MYO18B: variants seen among roughly 807,000 people sequenced by gnomAD.
MYO18B encodes the protein unconventional myosin-XVIIIb.
In MYO18B, 204 loss-of-function variants were observed where a neutral mutation model predicts 273.0. That is an observed-to-expected ratio of 0.75 (90% confidence interval 0.67 to 0.84). The LOEUF is 0.84. Ranked by LOEUF, MYO18B falls within the 40% of genes least tolerant of loss-of-function variation. The probability of loss-of-function intolerance (pLI) is 0.00; values close to 1 mark genes in which losing one functional copy is unlikely to be tolerated. For synonymous variants in MYO18B, 1,330 were observed against 1,305.7 expected (o/e 1.02, Z -0.40); for missense variants, 3,212 against 3,287.6 (o/e 0.98, Z 0.56).
intron 11 of MYO18B, among the ~76,000 whole-genome samples, chr22:25,797,294 T>C (rs1301388263): frequency 6.6e-6 from 1 of 152,216 alleles, no homozygotes; most frequent in Non-Finnish European, 1.5e-5. Context: ...TCCCCTTTGC[T>C]CATGTGGTTC....
intron 34 of MYO18B, among the ~76,000 whole-genome samples, chr22:25,932,435 T>G (rs969875579): frequency 6.8e-6 from 1 of 147,856 alleles, no homozygotes; most frequent in African/African-American, 2.6e-5. Flanking sequence ...TGAGACACAG[T>G]TTTGCTCTTG....
intron 30 of MYO18B, 125 bp from the exon 31 acceptor site, chr22:25,903,505 TG>T: frequency 1.0e-6 from 1 of 958,230 alleles, no homozygotes; most frequent in Non-Finnish European, 1.6e-6. Context: ...GGGGTCCAGG[TG>T]GAAATGGCAG....
intron 32 of MYO18B, among the ~76,000 whole-genome samples, chr22:25,910,730 C>T (rs1014350485): frequency 6.6e-6 from 1 of 152,124 alleles, no homozygotes; most frequent in Non-Finnish European, 1.5e-5. Context: ...AAGGGGTTCC[C>T]CATCATTGAC....
intron 11 of MYO18B, among the ~76,000 whole-genome samples, chr22:25,796,567 G>T (rs1405332571): frequency 6.7e-6 from 1 of 149,184 alleles, no homozygotes; most frequent in African/African-American, 2.5e-5. Context: ...CTACACTCCA[G>T]TCTGGGCCGT....
At chr22:25,778,497 T>G (rs1287463496) in intron 8 of MYO18B, among the ~76,000 whole-genome samples, 1 of 152,112 alleles carries the variant, frequency 6.6e-6, no homozygotes, top group Non-Finnish European at 1.5e-5. Flanking sequence ...TTATTATTAT[T>G]GAGACGGGGT....
chr22:25,900,131 C>CA (rs1406399599), intron 29 of MYO18B: 1 of 152,264 alleles, frequency 6.6e-6, no homozygotes, highest in Non-Finnish European at 1.5e-5. Flanking sequence ...GGATACCCCC[C>CA]AAGCAAAGTT....
rs567596508 is a variant in MYO18B at position 25,846,952 on chromosome 22, A to G, written c.3553-478A>G. 1.5e-4 allele frequency among the ~76,000 whole-genome samples: 23 copies of G among 152,044 alleles called. No homozygotes were observed. In the East Asian group the frequency reaches 1.5e-3, roughly 10 times the overall value. On this transcript the variant is annotated intron_variant, in intron 19 of 43. Coordinates refer to ENST00000335473, the MANE Select transcript of MYO18B (RefSeq NM_032608.7). ...AAAAATTGGCTGGGCGTGGTGATGCATGTCTGTAGTCCCGCTACTTGGGAG... is the reference window on the plus strand; with the variant it reads ...AAAAATTGGCTGGGCGTGGTGATGCGTGTCTGTAGTCCCGCTACTTGGGAG...
chr22:25,836,126 G>A (rs1334384919), intron 17 of MYO18B, among the ~76,000 whole-genome samples: 2 of 152,120 alleles, frequency 1.3e-5, no homozygotes, highest in Non-Finnish European at 2.9e-5. Flanking sequence ...TGGTGGAAGG[G>A]GGAGCAAGAG....
In MYO18B at chr22:25,760,965, C is replaced by A; in HGVS notation, c.-109-19C>A. The A allele has an allele frequency of 9.7e-7, 1 of 1,030,800 alleles. No homozygotes were observed. The highest frequency in any genetic ancestry group is 1.5e-6 in the Non-Finnish European group (1 of 669,286). The allele number at this position is 1,030,800 out of a possible 1,614,324, so 63.9% of individuals were successfully genotyped here. On this transcript the variant is annotated intron_variant, in intron 1 of 43. Coordinates refer to ENST00000335473, the MANE Select transcript of MYO18B (RefSeq NM_032608.7). ...AACCTGTCTCTCTCTTCTCTCCCCA[C>A]TGTGTCCCTGTGTGTCAGTTCTGTG...
At chr22:25,991,338 A>G (rs553890186) in intron 39 of MYO18B, among the ~76,000 whole-genome samples, 1 of 152,318 alleles carries the variant, frequency 6.6e-6, no homozygotes, top group East Asian at 1.9e-4. Context: ...CAGGCCGGAT[A>G]ATTCTTTGTG....
chr22:25,894,253 T>C (rs1372726795), intron 27 of MYO18B, among the ~76,000 whole-genome samples: 1 of 151,200 alleles, frequency 6.6e-6, no homozygotes, highest in Non-Finnish European at 1.5e-5. Flanking sequence ...TGGGTGGATA[T>C]GGCTTCTTAT....
At chr22:25,930,452 C>A (rs1245916948) in intron 34 of MYO18B, among the ~76,000 whole-genome samples, 2 of 151,758 alleles carry the variant, frequency 1.3e-5, no homozygotes, top group Non-Finnish European at 2.9e-5. Context: ...CCTCTCCCCG[C>A]CATGCCACCA....
intron 34 of MYO18B, among the ~76,000 whole-genome samples, chr22:25,931,760 GCAGCCTCAACATTT>G (rs2092506321): frequency 7.1e-6 from 1 of 140,940 alleles, no homozygotes; most frequent in Non-Finnish European, 1.5e-5. Flanking sequence ...ATGGCTCACT[GCAGCCTCAACATTT>G]CAGGCTCAAG....
At chr22:26,003,167 A>C (rs1934118411) in intron 40 of MYO18B, 98 bp from the exon 41 acceptor site, 5 of 1,074,512 alleles carry the variant, frequency 4.7e-6, no homozygotes, top group Non-Finnish European at 7.0e-6. Flanking sequence ...AAAGGTTGGA[A>C]GTGGGATTCA....
At chr22:25,959,005 A>C (rs558697532) in intron 39 of MYO18B, 1 of 152,340 alleles carries the variant, frequency 6.6e-6, no homozygotes, top group East Asian at 1.9e-4. Flanking sequence ...AACAGCACAC[A>C]CCTTTGCCCC....
chr22:25,803,241 G>A (rs2088304563), intron 12 of MYO18B, among the ~76,000 whole-genome samples: 1 of 152,170 alleles, frequency 6.6e-6, no homozygotes, highest in African/African-American at 2.4e-5. Context: ...GGGATTACAG[G>A]CGTGAGCCAC....
intron 2 of MYO18B, 133 bp from the exon 3 acceptor site, chr22:25,763,098 G>A (rs1377143313): frequency 9.6e-7 from 1 of 1,041,156 alleles, no homozygotes; most frequent in East Asian, 2.4e-5. Context: ...GCTTGGCTGT[G>A]GCTTCTCATA....
Position 25,745,472 on chromosome 22 carries a change from GACAC to G in MYO18B, c.-110+3206_-110+3209del, listed in dbSNP as rs3068433. 5.0e-3 allele frequency among the ~76,000 whole-genome samples: 736 copies of G among 146,106 alleles called. 5 individuals carry two copies. The highest frequency in any genetic ancestry group is 0.014 in the African/African-American group (557 of 39,360). On this transcript the variant is annotated intron_variant, in intron 1 of 43. Transcript: ENST00000335473. ...CATCAAGGTAGATTTCTCTCTCTCT[GACAC>G]ACACACACACACACACACACACACA...
chr22:25,947,554 T>C (rs914459294), intron 35 of MYO18B, among the ~76,000 whole-genome samples, 158 bp from the exon 36 acceptor site: 3 of 139,086 alleles, frequency 2.2e-5, no homozygotes, highest in Non-Finnish European at 4.7e-5. Flanking sequence ...CAAGCTGTTA[T>C]ACCTACCACA....
Sources: gnomAD v4.1 joint callset for allele counts (sites outside exome capture counted in the v4.1 genomes callset) on GRCh38, gnomAD v4.1.1 for gene constraint, MANE v1.5 for transcripts, NCBI Gene and HGNC (gene_info 2026-07-23, HGNC 2026-07-21) for gene names.